The following ZNF280D variants were observed in gnomAD, a reference collection of about 807,000 sequenced individuals.
ZNF280D encodes the protein zinc finger protein 280D.
ZNF280D carries 39 observed loss-of-function variants against 94.7 expected under a neutral mutation model. The observed-to-expected ratio is 0.41, with a 90% CI of 0.32 to 0.54. The LOEUF (loss-of-function observed/expected upper bound fraction) is 0.54, where lower values mean the gene tolerates loss of function less well. Among genes scored for constraint, ZNF280D ranks in the 20% least tolerant of loss-of-function variants. The pLI, the probability that ZNF280D is intolerant of heterozygous loss-of-function variation, is 0.22. For missense variants in ZNF280D, 1,090 were observed against 1,149.3 expected (o/e 0.95, Z 0.75); for synonymous variants, 398 against 377.6 (o/e 1.05, Z -0.63).
intron 19 of ZNF280D, chr15:56,653,992 C>T (rs1028029804): frequency 7.0e-7 from 1 of 1,429,568 alleles, no homozygotes; most frequent in Non-Finnish European, 9.2e-7. Context: ...CATCTCAGAA[C>T]TTTGAACTTA....
chr15:56,726,315 G>A (rs2058629232), intron 1 of ZNF280D, among the ~76,000 whole-genome samples: 1 of 152,052 alleles, frequency 6.6e-6, no homozygotes, highest in South Asian at 2.1e-4. Flanking sequence ...TTAAAGTCCA[G>A]TATACTATCA....
chr15:56,669,083 C>T (rs1247272736), intron 13 of ZNF280D, 126 bp from the exon 14 acceptor site: 2 of 792,806 alleles, frequency 2.5e-6, no homozygotes, highest in Non-Finnish European at 1.9e-6. Context: ...TTAACATCTC[C>T]TATCATAATA....
chr15:56,685,340 A>AC (rs1566979561), intron 9 of ZNF280D, among the ~76,000 whole-genome samples: 1 of 130,572 alleles, frequency 7.7e-6, no homozygotes, highest in African/African-American at 2.7e-5. Context: ...ACATAAGGTA[A>AC]AAAAACAAAA....
chr15:56,702,456 A>G (rs1295407606), intron 4 of ZNF280D, among the ~76,000 whole-genome samples: 5 of 152,180 alleles, frequency 3.3e-5, no homozygotes, highest in Admixed American at 2.6e-4. Context: ...AACACTGTAG[A>G]AAAGAAATTC....
At chr15:56,724,865 G>A (rs913539975) in intron 1 of ZNF280D, 9 of 454,316 alleles carry the variant, frequency 2.0e-5, no homozygotes, top group Non-Finnish European at 3.5e-5. Context: ...ATTCAATAAC[G>A]TTGTCAGATC....
intron 17 of ZNF280D, among the ~76,000 whole-genome samples, chr15:56,656,958 T>C (rs1009452478): frequency 2.0e-5 from 3 of 152,204 alleles, no homozygotes; most frequent in East Asian, 1.9e-4. Context: ...GAGCTAACCA[T>C]ACAATATCTG....
At chr15:56,720,029 T>C (rs1336801760) in intron 1 of ZNF280D, among the ~76,000 whole-genome samples, 1 of 152,064 alleles carries the variant, frequency 6.6e-6, no homozygotes, top group Non-Finnish European at 1.5e-5. Flanking sequence ...GGGGTGGCTG[T>C]GGCAATTTCT....
In ZNF280D at chr15:56,631,819, T is replaced by C; in HGVS notation, c.2619A>G (p.Glu873=). The change falls in exon 22 of 22, where the codon GAA becomes GAG. Residue 873 remains glutamate (E), a synonymous_variant. Coordinates refer to ENST00000267807, the MANE Select transcript of ZNF280D (RefSeq NM_017661.4). Reference sequence around the variant, plus strand: ...TAATATTCTTTGAAGAAAATCTGGCTTCACTGGAGTTGTGATCTTTAATCT... The same window carrying C: ...TAATATTCTTTGAAGAAAATCTGGCCTCACTGGAGTTGTGATCTTTAATCT... ...SDQIKDHNSS[E]ARFSSKNIKD... The C allele has an allele frequency of 1.2e-6, 2 of 1,614,076 alleles. No homozygotes were observed. Among genetic ancestry groups the C allele is most frequent in the South Asian group, 2.2e-5 (2 of 91,082 alleles).
At chr15:56,647,813 G>A (rs1330922227) in intron 19 of ZNF280D, among the ~76,000 whole-genome samples, 3 of 152,180 alleles carry the variant, frequency 2.0e-5, no homozygotes, top group Admixed American at 6.6e-5. Context: ...TTACAGGTGT[G>A]AGCTACCACA....
intron 13 of ZNF280D, among the ~76,000 whole-genome samples, chr15:56,672,212 C>G (rs1258220121): frequency 6.6e-6 from 1 of 152,096 alleles, no homozygotes; most frequent in African/African-American, 2.4e-5. Flanking sequence ...ACTTCCAGTA[C>G]TATGTTGAAT....
chr15:56,644,146 C>T (rs1287877024), intron 19 of ZNF280D, among the ~76,000 whole-genome samples: 1 of 152,016 alleles, frequency 6.6e-6, no homozygotes, highest in Non-Finnish European at 1.5e-5. Flanking sequence ...TGTAAAACCA[C>T]TATATTGGCA....
At chr15:56,639,777 T>C (rs368770499) in intron 20 of ZNF280D, among the ~76,000 whole-genome samples, 275 of 152,236 alleles carry the variant, frequency 1.8e-3, no homozygotes, top group African/African-American at 6.4e-3. Flanking sequence ...ACACAATTCA[T>C]CAAAATGATG....
intron 1 of ZNF280D, among the ~76,000 whole-genome samples, chr15:56,709,508 G>C (rs563647561): frequency 6.6e-6 from 1 of 152,112 alleles, no homozygotes; most frequent in East Asian, 1.9e-4. Context: ...TCCACTACTG[G>C]GTATATACTC....
At chr15:56,659,607 A>G (rs2053793012) in intron 16 of ZNF280D, among the ~76,000 whole-genome samples, 1 of 152,108 alleles carries the variant, frequency 6.6e-6, no homozygotes, top group Non-Finnish European at 1.5e-5. Flanking sequence ...ATAGAGCGTA[A>G]TACTATCCAC....
chr15:56,718,923 C>T (rs1291280621), intron 1 of ZNF280D, among the ~76,000 whole-genome samples: 1 of 152,162 alleles, frequency 6.6e-6, no homozygotes, highest in Non-Finnish European at 1.5e-5. Flanking sequence ...AAATATCATG[C>T]TCAGTAATTT....
In ZNF280D at chr15:56,668,916, A is replaced by G; in HGVS notation, c.1452T>C (p.Phe484=). ...IHRCTKCRLQ[F]LTCKEKMDHK... is the part of the protein sequence containing the mutation. ...GATCCATTTTCTCCTTGCATGTCAA[A>G]AACTGCAGCCTGCATTTTGTACAAC... The change falls in exon 14 of 22, where the codon TTT becomes TTC. Residue 484 remains phenylalanine, a synonymous_variant. Coordinates refer to ENST00000267807, the MANE Select transcript of ZNF280D (RefSeq NM_017661.4). 6.2e-7 allele frequency: 1 copy of G among 1,612,296 alleles called. No individual in the cohort carries two copies. Among genetic ancestry groups the G allele is most frequent in the Non-Finnish European group, 8.5e-7 (1 of 1,179,080 alleles).
intron 1 of ZNF280D, among the ~76,000 whole-genome samples, chr15:56,718,802 C>T (rs1466265519): frequency 6.6e-6 from 1 of 152,172 alleles, no homozygotes; most frequent in Non-Finnish European, 1.5e-5. Flanking sequence ...TTGCTAAAAG[C>T]AAGTATCCAC....
chr15:56,669,012 C>T (rs1342429022), intron 13 of ZNF280D, 55 bp from the exon 14 acceptor site: 5 of 1,540,110 alleles, frequency 3.2e-6, no homozygotes, highest in Admixed American at 1.9e-5. Flanking sequence ...ACTACAAATC[C>T]TGTGTCCTGA....
chr15:56,691,806 C>A (rs1205055803), intron 7 of ZNF280D, among the ~76,000 whole-genome samples: 3 of 152,060 alleles, frequency 2.0e-5, no homozygotes, highest in Non-Finnish European at 4.4e-5. Context: ...TGGATTTGGA[C>A]ATAAAAAATC....
Sources: allele counts gnomAD v4.1 joint callset (sites outside exome capture counted in the v4.1 genomes callset), GRCh38; gene constraint gnomAD v4.1.1; transcripts MANE v1.5; gene names NCBI Gene and HGNC (gene_info 2026-07-23, HGNC 2026-07-21).